Variants in SLIT2 observed in about 807,000 individuals in gnomAD.
The protein encoded by SLIT2 is slit homolog 2 protein.
Under a neutral mutation model 185.7 loss-of-function variants are expected in SLIT2, and 41 were observed. That is an observed-to-expected ratio of 0.22 (90% confidence interval 0.17 to 0.29). The LOEUF is 0.29. Ranked by LOEUF, SLIT2 falls within the 10% of genes least tolerant of loss-of-function variation. SLIT2 has a pLI of 1.00. For synonymous variants in SLIT2, 693 were observed against 680.2 expected, an observed-to-expected ratio of 1.02 and a Z score of -0.29; for missense variants, 1,571 against 1,909.0, an observed-to-expected ratio of 0.82 and a Z score of 3.30.
chr4:20,586,297 G>A (rs1308540311), intron 29 of SLIT2, among the ~76,000 whole-genome samples: 1 of 152,194 alleles, frequency 6.6e-6, no homozygotes, highest in Non-Finnish European at 1.5e-5. Flanking sequence ...TCATGAGTGA[G>A]TAATTAAGCA....
intron 34 of SLIT2, among the ~76,000 whole-genome samples, chr4:20,610,493 G>T (rs1217355651): frequency 1.3e-5 from 2 of 152,116 alleles, no homozygotes; most frequent in East Asian, 3.9e-4. Context: ...CTATGGAAAA[G>T]GAAAGTTGGT....
chr4:20,427,557 T>A (rs192853171), intron 4 of SLIT2, among the ~76,000 whole-genome samples: 16 of 152,188 alleles, frequency 1.1e-4, no homozygotes, highest in Admixed American at 4.6e-4. Context: ...CCAAAGTTAA[T>A]TAATAACGGC....
intron 4 of SLIT2, among the ~76,000 whole-genome samples, chr4:20,297,830 G>T (rs1716636703): frequency 6.6e-6 from 1 of 152,118 alleles, no homozygotes; most frequent in Admixed American, 6.5e-5. Flanking sequence ...ATCTGTAACG[G>T]ATACCCTGTC....
chr4:20,619,272 T>C lies in SLIT2; in HGVS notation c.*263T>C. 1 of 306,810 alleles carries C rather than the reference T, an allele frequency of 3.3e-6. No homozygotes were observed. Among genetic ancestry groups the C allele is most frequent in the South Asian group, 5.2e-5 (1 of 19,392 alleles). 19.0% of individuals were successfully genotyped at this position (306,810 alleles called of 1,614,324 possible). ...GAACAGCGATGGGAACCATTGCAACTCGGGTCCATCTTTGTAACATGCTGA... is the reference window on the plus strand; with the variant it reads ...GAACAGCGATGGGAACCATTGCAACCCGGGTCCATCTTTGTAACATGCTGA... On this transcript the variant is annotated 3_prime_UTR_variant, in exon 37 of 37. Coordinates refer to ENST00000504154, the MANE Select transcript of SLIT2 (RefSeq NM_004787.4).
chr4:20,262,031 T>C (rs1712526451), intron 3 of SLIT2, among the ~76,000 whole-genome samples: 1 of 151,942 alleles, frequency 6.6e-6, no homozygotes, highest in Admixed American at 6.6e-5. Flanking sequence ...TCTGAAAATA[T>C]TATTATGATA....
rs753933487 is a variant in SLIT2, at chr4:20,596,388, T to C, written c.3321-27T>C. On this transcript the variant is annotated intron_variant, in intron 31 of 36. Coordinates refer to ENST00000504154, the MANE Select transcript of SLIT2 (RefSeq NM_004787.4). ...GGCAATTAAGTAAAATCGTATTAAC[T>C]AATTTTTTTTTCTCCTTATTCTTCA... 2.5e-6 allele frequency: 4 copies of C among 1,606,254 alleles called. No homozygotes were observed. The East Asian group carries it at 6.7e-5, about 27-fold the overall frequency.
intron 4 of SLIT2, among the ~76,000 whole-genome samples, chr4:20,360,373 G>C (rs993355291): frequency 1.6e-4 from 24 of 152,194 alleles, no homozygotes; most frequent in African/African-American, 5.8e-4. Context: ...CTTCTAAATG[G>C]TTTCATGACC....
chr4:20,352,666 C>G (rs1227427418), intron 4 of SLIT2, among the ~76,000 whole-genome samples: 2 of 152,288 alleles, frequency 1.3e-5, no homozygotes, highest in East Asian at 1.9e-4. Flanking sequence ...GTAATCCCAG[C>G]ACTTTGGGAG....
chr4:20,603,284 G>GC (rs1307318262), intron 33 of SLIT2, among the ~76,000 whole-genome samples: 1 of 152,166 alleles, frequency 6.6e-6, no homozygotes, highest in African/African-American at 2.4e-5. Context: ...GGGGAAAACC[G>GC]CCCCCATAAT....
At chr4:20,388,739 A>G (rs569285754) in intron 4 of SLIT2, among the ~76,000 whole-genome samples, 2 of 149,302 alleles carry the variant, frequency 1.3e-5, no homozygotes, top group South Asian at 4.2e-4. Flanking sequence ...ATGCTCCTGC[A>G]CTCCAGCCTG....
Position 20,366,865 on chromosome 4 carries a change from G to A in SLIT2, c.395+97984G>A, listed in dbSNP as rs73106802. ...CAGGCTTCAGTGCAGTGCTATGATC[G>A]CAGCTCACTGCAGCCTCAACCTCCT... On this transcript the variant is annotated intron_variant, in intron 4 of 36. Coordinates refer to ENST00000504154, the MANE Select transcript of SLIT2 (RefSeq NM_004787.4). 9.7e-3 allele frequency among the ~76,000 whole-genome samples: 1,477 copies of A among 151,792 alleles called. 19 individuals carry two copies. The highest frequency in any genetic ancestry group is 0.033 in the African/African-American group (1,364 of 41,368).
intron 33 of SLIT2, 51 bp from the exon 34 acceptor site, chr4:20,609,962 G>A (rs762559212): frequency 1.2e-5 from 19 of 1,533,834 alleles, no homozygotes; most frequent in Non-Finnish European, 1.6e-5. Context: ...TAACTACCTT[G>A]CTTTAATGAA....
chr4:20,391,003 C>T (rs1196174739), intron 4 of SLIT2, among the ~76,000 whole-genome samples: 2 of 151,814 alleles, frequency 1.3e-5, no homozygotes, highest in Non-Finnish European at 2.9e-5. Context: ...TTTAATTTTA[C>T]GGTGCCCATA....
intron 9 of SLIT2, among the ~76,000 whole-genome samples, chr4:20,497,898 G>A (rs529647705): frequency 2.0e-5 from 3 of 152,222 alleles, no homozygotes; most frequent in African/African-American, 7.2e-5. Flanking sequence ...CAAAAAACGG[G>A]CGTGCTGGAT....
Position 20,486,274 on chromosome 4 carries a change from A to G in SLIT2, c.611+3A>G, listed in dbSNP as rs1384021343. ...CATATGCCTAAACTTAGGACTTTGT[A>G]AGTAGTCACAATATATGTAAAAGTC... On this transcript the variant is annotated splice_donor_region_variant and intron_variant, in intron 7 of 36. Transcript: ENST00000504154. 6.7e-7 allele frequency: 1 copy of G among 1,501,960 alleles called. No homozygotes were observed. The highest frequency in any genetic ancestry group is 9.3e-7 in the Non-Finnish European group (1 of 1,078,484). The allele number at this position is 1,501,960 out of a possible 1,614,324, so 93.0% of individuals were successfully genotyped here. A position where few individuals can be genotyped will look rare whatever the true frequency, so the allele number is the denominator to read the frequency against.
In SLIT2 at chr4:20,609,912, C is replaced by T. The variant is rs533506497; in HGVS notation, c.3693-101C>T. 18 of 1,092,122 alleles carry T rather than the reference C, an allele frequency of 1.6e-5. No homozygotes were observed. In the East Asian group the frequency reaches 4.7e-4, roughly 28 times the overall value. 67.7% of individuals were successfully genotyped at this position (1,092,122 alleles called of 1,614,324 possible). On this transcript the variant is annotated intron_variant, in intron 33 of 36. Coordinates refer to ENST00000504154, the MANE Select transcript of SLIT2 (RefSeq NM_004787.4). ...TTTATCTTCATTAGTGTTAGATTGCCATCTCTTTTCCCAAGGAGCACTTAT... is the reference window on the plus strand; with the variant it reads ...TTTATCTTCATTAGTGTTAGATTGCTATCTCTTTTCCCAAGGAGCACTTAT...
chr4:20,252,119 G>A lies in SLIT2; in HGVS notation c.-1697G>A, dbSNP rs905496827. Reference sequence around the variant, plus strand: ...ACGGCGGGAGTGCTGAGCAGAAAGGGGAGCGCCGGGGGCCCGCAGCCGGCT... The same window carrying A: ...ACGGCGGGAGTGCTGAGCAGAAAGGAGAGCGCCGGGGGCCCGCAGCCGGCT... On this transcript the variant is annotated 5_prime_UTR_variant, in exon 1 of 37. Coordinates refer to ENST00000504154, the MANE Select transcript of SLIT2 (RefSeq NM_004787.4). Among the ~76,000 whole-genome samples, 1 of 152,024 alleles carries A rather than the reference G, an allele frequency of 6.6e-6. No homozygotes were observed. The highest frequency in any genetic ancestry group is 2.4e-5 in the African/African-American group (1 of 41,372).
intron 29 of SLIT2, among the ~76,000 whole-genome samples, chr4:20,583,383 A>C (rs1382859088): frequency 1.3e-5 from 2 of 152,230 alleles, no homozygotes; most frequent in Non-Finnish European, 2.9e-5. Context: ...AGAGCTTTGT[A>C]GAATAGTTCT....
intron 15 of SLIT2, among the ~76,000 whole-genome samples, chr4:20,525,689 T>C (rs1436047610): frequency 6.6e-6 from 1 of 152,146 alleles, no homozygotes; most frequent in East Asian, 1.9e-4. Context: ...CTTCACTGTT[T>C]ATAGAAAAAC....
Sources: allele counts gnomAD v4.1 joint callset (sites outside exome capture counted in the v4.1 genomes callset), GRCh38; gene constraint gnomAD v4.1.1; transcripts MANE v1.5; gene names NCBI Gene and HGNC (gene_info 2026-07-23, HGNC 2026-07-21).